Variants in CCDC73 observed in about 807,000 individuals in gnomAD.
The protein encoded by CCDC73 is coiled-coil domain-containing protein 73.
A neutral mutation model predicts 116.5 loss-of-function variants in CCDC73; 95 were observed. That is an observed-to-expected ratio of 0.82 (90% CI 0.69 to 0.97). The LOEUF (loss-of-function observed/expected upper bound fraction) is 0.97, where lower values mean the gene tolerates loss of function less well. Ranked by LOEUF, CCDC73 falls within the 50% of genes least tolerant of loss-of-function variation. CCDC73 has a pLI of 0.00. For synonymous variants in CCDC73, 398 were observed against 401.3 expected (o/e 0.99, Z 0.10); for missense variants, 1,066 against 1,206.8 (o/e 0.88, Z 1.73).
intron 12 of CCDC73, among the ~76,000 whole-genome samples, chr11:32,646,996 T>A (rs1855784213): frequency 6.6e-6 from 1 of 152,358 alleles, no homozygotes; most frequent in African/African-American, 2.4e-5. Context: ...TTTTGTAGAT[T>A]AACATATTCC....
intron 2 of CCDC73, among the ~76,000 whole-genome samples, chr11:32,739,204 A>T (rs1025564729): frequency 1.3e-5 from 2 of 152,058 alleles, no homozygotes; most frequent in African/African-American, 4.8e-5. Context: ...TATAAATTTT[A>T]GAATTTTTTT....
chr11:32,676,112 CTGT>C (rs1300343897), intron 7 of CCDC73, 91 bp from the exon 8 acceptor site: 1 of 1,023,964 alleles, frequency 9.8e-7, no homozygotes, highest in African/African-American at 1.7e-5. Flanking sequence ...TGGTAAACCA[CTGT>C]TGTTAGTAAT....
chr11:32,613,308 A>T, intron 16 of CCDC73, 114 bp downstream of exon 16: 1 of 858,280 alleles, frequency 1.2e-6, no homozygotes, highest in Non-Finnish European at 1.8e-6. Flanking sequence ...AGTTGTTCCT[A>T]ATTTAAAATA....
At chr11:32,732,147 C>T (rs1850084623) in intron 2 of CCDC73, among the ~76,000 whole-genome samples, 1 of 152,090 alleles carries the variant, frequency 6.6e-6, no homozygotes, top group African/African-American at 2.4e-5. Context: ...CTGATTCGAT[C>T]AACTGGAAGA....
the CCDC73 span, among the ~76,000 whole-genome samples, chr11:32,825,633 C>G: frequency 6.6e-6 from 1 of 152,154 alleles, no homozygotes; most frequent in Admixed American, 6.6e-5. Context: ...TAAACACCGT[C>G]AATTGCATAG....
chr11:32,758,646 G>GAAA, intron 2 of CCDC73: 3 of 244,946 alleles, frequency 1.2e-5, no homozygotes, highest in South Asian at 4.3e-5. Flanking sequence ...GGTAATAAAA[G>GAAA]AAAAAAAAAA....
chr11:32,645,402 C>T (rs1036541485), intron 12 of CCDC73, among the ~76,000 whole-genome samples: 2 of 151,470 alleles, frequency 1.3e-5, no homozygotes, highest in East Asian at 1.9e-4. Flanking sequence ...AGCGATTCTC[C>T]GGCCTCAGCC....
intron 1 of CCDC73, among the ~76,000 whole-genome samples, chr11:32,785,135 C>T (rs1850616753): frequency 6.6e-6 from 1 of 151,940 alleles, no homozygotes; most frequent in Non-Finnish European, 1.5e-5. Flanking sequence ...TACTATACTC[C>T]AGCCTGGGCA....
intron 2 of CCDC73, among the ~76,000 whole-genome samples, chr11:32,720,314 A>G (rs1849980045): frequency 6.6e-6 from 1 of 152,188 alleles, no homozygotes; most frequent in Non-Finnish European, 1.5e-5. Flanking sequence ...ACACTTAACA[A>G]AATTCAACAT....
intron 1 of CCDC73, among the ~76,000 whole-genome samples, chr11:32,771,837 T>A (rs1850494203): frequency 6.6e-6 from 1 of 152,228 alleles, no homozygotes; most frequent in Non-Finnish European, 1.5e-5. Context: ...AGAGATGAAA[T>A]CTATGTCTCC....
chr11:32,611,358 T>A, intron 16 of CCDC73, 93 bp from the exon 17 acceptor site: 2 of 1,089,768 alleles, frequency 1.8e-6, no homozygotes, highest in Non-Finnish European at 2.6e-6. Context: ...GCTTTTGTAT[T>A]TAAAAAGCAA....
At chr11:32,724,351 T>C (rs536040625) in intron 2 of CCDC73, among the ~76,000 whole-genome samples, 2 of 152,274 alleles carry the variant, frequency 1.3e-5, no homozygotes, top group African/African-American at 4.8e-5. Context: ...TCTATTATGA[T>C]ACATAATACA....
At chr11:32,705,477 G>A (rs566721776) in intron 3 of CCDC73, among the ~76,000 whole-genome samples, 6 of 152,280 alleles carry the variant, frequency 3.9e-5, no homozygotes, top group East Asian at 1.9e-4. Flanking sequence ...CTGCCCTGCC[G>A]CAGCAGCCAG....
At chr11:32,793,603 A>ATTTAT (rs200104242) in intron 1 of CCDC73, among the ~76,000 whole-genome samples, 2 of 128,228 alleles carry the variant, frequency 1.6e-5, no homozygotes, top group African/African-American at 5.7e-5. Context: ...GACATGAATA[A>ATTTAT]TTTATTTTAT....
intron 6 of CCDC73, among the ~76,000 whole-genome samples, chr11:32,689,919 C>T (rs1186634914): frequency 2.0e-5 from 3 of 152,060 alleles, no homozygotes; most frequent in African/African-American, 2.4e-5. Flanking sequence ...GGCATGAACC[C>T]GGGAGGCGGA....
At chr11:32,766,721 T>C (rs1850445802) in intron 1 of CCDC73, among the ~76,000 whole-genome samples, 1 of 152,184 alleles carries the variant, frequency 6.6e-6, no homozygotes, top group Admixed American at 6.6e-5. Context: ...CCATTCACAA[T>C]TGCTTCAAAG....
chr11:32,679,051 T>C (rs1398889002), intron 7 of CCDC73, among the ~76,000 whole-genome samples: 1 of 152,124 alleles, frequency 6.6e-6, no homozygotes, highest in Non-Finnish European at 1.5e-5. Context: ...ATATTATTGG[T>C]AATAATTATG....
chr11:32,641,710 T>TGC (rs1855734370), intron 13 of CCDC73, among the ~76,000 whole-genome samples: 1 of 83,614 alleles, frequency 1.2e-5, no homozygotes, highest in African/African-American at 4.6e-5. Flanking sequence ...TATATATATG[T>TGC]GTGTGTATAT....
chr11:32,705,620 T>G (rs905476286), intron 3 of CCDC73, among the ~76,000 whole-genome samples: 2 of 151,966 alleles, frequency 1.3e-5, no homozygotes, highest in Non-Finnish European at 2.9e-5. Flanking sequence ...GCCCGCCAGG[T>G]CAAGTGAATG....
Sources: allele counts gnomAD v4.1 joint callset (sites outside exome capture counted in the v4.1 genomes callset), GRCh38; gene constraint gnomAD v4.1.1; transcripts MANE v1.5; gene names NCBI Gene and HGNC (gene_info 2026-07-23, HGNC 2026-07-21).